The following BCAS3 variants were observed in gnomAD, a reference collection of about 807,000 sequenced individuals.
The protein encoded by BCAS3 is BCAS3 microtubule associated cell migration factor.
BCAS3 carries 53 observed loss-of-function variants against 116.1 expected under a neutral mutation model. The ratio of observed to expected loss-of-function variants is 0.46; its 90% CI spans 0.37 to 0.57. The LOEUF (loss-of-function observed/expected upper bound fraction) is 0.57. Ranked by LOEUF, BCAS3 falls within the 20% of genes least tolerant of loss-of-function variation. The probability of loss-of-function intolerance (pLI) is 0.00; values close to 1 mark genes in which losing one functional copy is unlikely to be tolerated. For synonymous variants in BCAS3, 391 were observed against 408.2 expected, an observed-to-expected ratio of 0.96 and a Z score of 0.51; for missense variants, 917 against 1,165.4, an observed-to-expected ratio of 0.79 and a Z score of 3.10.
intron 14 of BCAS3, among the ~76,000 whole-genome samples, chr17:60,950,744 G>A (rs972296802): frequency 5.9e-5 from 9 of 152,294 alleles, no homozygotes; most frequent in African/African-American, 2.4e-5. Context: ...TCTGCAGAGC[G>A]TTAATTGTTG....
chr17:61,218,404 G>A (rs1470199204), intron 22 of BCAS3, among the ~76,000 whole-genome samples: 1 of 152,228 alleles, frequency 6.6e-6, no homozygotes, highest in Non-Finnish European at 1.5e-5. Context: ...CCAGGAAAAA[G>A]GACTCTGAGA....
intron 13 of BCAS3, among the ~76,000 whole-genome samples, chr17:60,943,637 T>C (rs2060334762): frequency 1.3e-5 from 2 of 152,038 alleles, no homozygotes; most frequent in Non-Finnish European, 2.9e-5. Flanking sequence ...TACTCAGTAA[T>C]GGAACAGAAA....
rs10515188 is a variant in BCAS3, at chr17:61,197,925, T to C, written c.2425+113361T>C. 6.8e-3 allele frequency among the ~76,000 whole-genome samples: 1,041 copies of C among 152,308 alleles called. 11 individuals are homozygous for C. Among genetic ancestry groups the C allele is most frequent in the African/African-American group, 0.024 (1,003 of 41,568 alleles). On this transcript the variant is annotated intron_variant, in intron 22 of 23. Coordinates refer to ENST00000407086, the MANE Select transcript of BCAS3 (RefSeq NM_017679.5). ...TGACTTCTAGATGTGGTTTTGGTCA[T>C]TTCCATAGATAAGTAATAAGATGAG...
At chr17:61,080,586 A>G (rs1021967477) in intron 21 of BCAS3, among the ~76,000 whole-genome samples, 6 of 151,898 alleles carry the variant, frequency 4.0e-5, no homozygotes, top group African/African-American at 1.2e-4. Flanking sequence ...AAACCCTACC[A>G]AAAAAATACA....
intron 14 of BCAS3, among the ~76,000 whole-genome samples, chr17:60,952,802 G>C (rs2060917554): frequency 6.6e-6 from 1 of 151,934 alleles, no homozygotes; most frequent in Admixed American, 6.6e-5. Context: ...CCCAGTGTCT[G>C]TTCCCTCTAT....
chr17:60,903,500 A>C (rs2058028704), intron 11 of BCAS3, among the ~76,000 whole-genome samples: 1 of 152,164 alleles, frequency 6.6e-6, no homozygotes, highest in Non-Finnish European at 1.5e-5. Context: ...GATTTCAGAA[A>C]TCTTTTTTCT....
chr17:60,899,679 A>G (rs185357653), intron 10 of BCAS3, among the ~76,000 whole-genome samples: 2 of 151,920 alleles, frequency 1.3e-5, no homozygotes, highest in African/African-American at 4.8e-5. Context: ...TGTATTTTTC[A>G]TAGAGACAGG....
rs201580032 is a variant in BCAS3 at position 61,276,354 on chromosome 17, AAAACAAAC to A, written c.2426-91957_2426-91950del. 6.6e-6 allele frequency among the ~76,000 whole-genome samples: 1 copy of A among 152,152 alleles called. No homozygotes were observed. The highest frequency in any genetic ancestry group is 1.5e-5 in the Non-Finnish European group (1 of 68,022). ...GGCTACAGGACGAGACTCCATCTCA[AAAACAAAC>A]AAACAAACAAACAAAAATCACTTGT... On this transcript the variant is annotated intron_variant, in intron 22 of 23. Coordinates refer to ENST00000407086, the MANE Select transcript of BCAS3 (RefSeq NM_017679.5). The surrounding 1 kb of genome is among the most constrained non-coding windows in gnomAD (Gnocchi z 4.2).
intron 7 of BCAS3, among the ~76,000 whole-genome samples, chr17:60,813,720 C>T (rs1296054190): frequency 2.0e-5 from 3 of 152,098 alleles, no homozygotes; most frequent in Non-Finnish European, 4.4e-5. Context: ...GAGGACTTTG[C>T]CAAGGCCAGT....
At chr17:60,764,748 C>A (rs2043912914) in intron 6 of BCAS3, among the ~76,000 whole-genome samples, 1 of 152,130 alleles carries the variant, frequency 6.6e-6, no homozygotes, top group Non-Finnish European at 1.5e-5. Context: ...TCCTGCATAT[C>A]CTTATTAACC....
chr17:60,844,225 C>G (rs1269608977), intron 7 of BCAS3, among the ~76,000 whole-genome samples: 1 of 152,208 alleles, frequency 6.6e-6, no homozygotes, highest in African/African-American at 2.4e-5. Context: ...CCGTCTCGGC[C>G]TCCCAAAATG....
chr17:60,983,184 G>A (rs8065409), intron 14 of BCAS3, among the ~76,000 whole-genome samples: 15,800 of 152,094 alleles, frequency 0.1, 2,465 homozygotes, highest in African/African-American at 0.34. Flanking sequence ...ATTTAGTGCT[G>A]TAGAATTAAA....
chr17:60,706,916 G>A (rs369609308), intron 4 of BCAS3, among the ~76,000 whole-genome samples: 106 of 150,498 alleles, frequency 7.0e-4, no homozygotes, highest in African/African-American at 1.9e-3. Flanking sequence ...CCGGGCTCAA[G>A]CTATCTTCCC....
intron 22 of BCAS3, among the ~76,000 whole-genome samples, chr17:61,112,503 A>G (rs1427909010): frequency 1.7e-5 from 1 of 60,130 alleles, no homozygotes; most frequent in Non-Finnish European, 3.4e-5. Context: ...CCATTACATA[A>G]TGGTAAAGGG....
chr17:60,936,576 T>C (rs1240174503), intron 13 of BCAS3, among the ~76,000 whole-genome samples: 3 of 152,212 alleles, frequency 2.0e-5, no homozygotes, highest in Admixed American at 2.0e-4. Context: ...TGGTATCTCA[T>C]AGTGGTTTTG....
rs2076822095 is a variant in BCAS3 at position 61,139,684 on chromosome 17, G to A, written c.2425+55120G>A. On this transcript the variant is annotated intron_variant, in intron 22 of 23. Transcript: ENST00000407086. This position sits in a 1 kb window ranked among gnomAD's most constrained non-coding sequence, Gnocchi z 4.7. ...GCGATTAAAAGTCATCATGCTACAT[G>A]ATGTAGGGAATATAAAAAATGAAGA... Among the ~76,000 whole-genome samples the A allele has an allele frequency of 2.6e-5, 4 of 152,178 alleles. No homozygotes were observed. Among genetic ancestry groups the A allele is most frequent in the African/African-American group, 9.7e-5 (4 of 41,438 alleles).
At chr17:61,375,246 G>GTGTGTGTGCGCACGCGCACA (rs1555861732) in intron 23 of BCAS3, among the ~76,000 whole-genome samples, 1 of 150,666 alleles carries the variant, frequency 6.6e-6, no homozygotes, top group East Asian at 1.9e-4. Flanking sequence ...GTGTGTGTGT[G>GTGTGTGTGCGCACGCGCACA]TGTGTGTGTA....
intron 22 of BCAS3, among the ~76,000 whole-genome samples, chr17:61,336,922 G>T (rs1275871630): frequency 6.6e-5 from 10 of 152,230 alleles, no homozygotes; most frequent in African/African-American, 2.4e-4. Flanking sequence ...AGACCAGCCT[G>T]GCCAACATGG....
intron 22 of BCAS3, among the ~76,000 whole-genome samples, chr17:61,317,546 G>A (rs528850478): frequency 4.6e-5 from 7 of 152,290 alleles, no homozygotes; most frequent in East Asian, 1.9e-4. Flanking sequence ...CTTCATTGAC[G>A]GTGAGGTGAG....
Sources: gnomAD v4.1 joint callset for allele counts (sites outside exome capture counted in the v4.1 genomes callset) on GRCh38, gnomAD v4.1.1 for gene constraint, Gnocchi (gnomAD v3.1) non-coding constraint, MANE v1.5 for transcripts, NCBI Gene and HGNC (gene_info 2026-07-23, HGNC 2026-07-21) for gene names.